The following FERMT3 variants were observed in gnomAD, a reference collection of about 807,000 sequenced individuals.
The protein encoded by FERMT3 is fermitin family homolog 3.
A neutral mutation model predicts 80.8 loss-of-function variants in FERMT3; 33 were observed. The observed-to-expected ratio is 0.41, with a 90% CI of 0.31 to 0.55. The LOEUF (loss-of-function observed/expected upper bound fraction) is 0.55, where lower values mean the gene tolerates loss of function less well. Among genes scored for constraint, FERMT3 ranks in the 20% least tolerant of loss-of-function variants. The pLI, the probability that FERMT3 is intolerant of heterozygous loss-of-function variation, is 0.31. For missense variants in FERMT3, 754 were observed against 908.7 expected (o/e 0.83, Z 2.19); for synonymous variants, 375 against 372.2 (o/e 1.01, Z -0.09).
chr11:64,217,483 A>T (rs1031758000), intron 6 of FERMT3, among the ~76,000 whole-genome samples: 5 of 152,086 alleles, frequency 3.3e-5, no homozygotes, highest in Admixed American at 6.6e-5. Context: ...CGGGAGGCGG[A>T]GGTTGCGGTG....
At chr11:64,216,495 A>G (rs1232625710) in intron 6 of FERMT3, among the ~76,000 whole-genome samples, 3 of 136,960 alleles carry the variant, frequency 2.2e-5, no homozygotes, top group Non-Finnish European at 4.8e-5. Flanking sequence ...CACCGGGCCC[A>G]GCCTCTATAA....
chr11:64,223,222 AC>A, intron 14 of FERMT3, 33 bp downstream of exon 14: 1 of 1,613,394 alleles, frequency 6.2e-7, no homozygotes, highest in Non-Finnish European at 8.5e-7. Flanking sequence ...TGGATGGGGG[AC>A]AGGTGCAGGC....
chr11:64,209,932 A>T (rs1946399618), intron 2 of FERMT3, among the ~76,000 whole-genome samples: 1 of 152,206 alleles, frequency 6.6e-6, no homozygotes, highest in African/African-American at 2.4e-5. Flanking sequence ...TCCAGTTCCC[A>T]GCTGGCTGAC....
In FERMT3 at chr11:64,223,316, G is replaced by A. The variant is rs1438403859; in HGVS notation, c.1816G>A (p.Ala606Thr). Residue 606 changes from alanine (A) to threonine (T), a missense_variant, in exon 15 of 15, where the codon GCC (alanine) becomes ACC (threonine). By Grantham distance (58) the Ala-to-Thr change is moderately conservative (BLOSUM62 0). Coordinates refer to ENST00000345728, the MANE Select transcript of FERMT3 (RefSeq NM_031471.6). ...WNVNWDIRQV[A>T]IEFDEHINVA... Reference sequence around the variant, plus strand: ...TGCCCCTCTGTCTGCCCTTCAGGTGGCCATCGAGTTTGATGAACACATCAA... The same window carrying A: ...TGCCCCTCTGTCTGCCCTTCAGGTGACCATCGAGTTTGATGAACACATCAA... 6.2e-7 allele frequency: 1 copy of A among 1,613,828 alleles called. No individual in the cohort carries two copies. Among genetic ancestry groups the A allele is most frequent in the Non-Finnish European group, 8.5e-7 (1 of 1,180,044 alleles).
Position 64,223,303 on chromosome 11 carries a change from T to G in FERMT3, c.1813-10T>G. ...CCCACCCACCATTTGCCCCTCTGTCTGCCCTTCAGGTGGCCATCGAGTTTG... is the reference window on the plus strand; with the variant it reads ...CCCACCCACCATTTGCCCCTCTGTCGGCCCTTCAGGTGGCCATCGAGTTTG... On this transcript the variant is annotated splice_polypyrimidine_tract_variant and intron_variant, in intron 14 of 14. Transcript: ENST00000345728. The G allele has an allele frequency of 6.2e-7, 1 of 1,613,858 alleles. No homozygotes were observed. The highest frequency in any genetic ancestry group is 2.2e-5 in the East Asian group (1 of 44,890).
chr11:64,220,676 G>C lies in FERMT3; in HGVS notation c.1545+7G>C. The C allele has an allele frequency of 6.2e-7, 1 of 1,606,268 alleles. No homozygotes were observed. Among genetic ancestry groups the C allele is most frequent in the African/African-American group, 1.3e-5 (1 of 74,876 alleles). ...AAAGTTCAAGGCCAAGCAGGTACCA[G>C]AAGGCGTCAGGGTGGGAATGAGCAT... On this transcript the variant is annotated splice_region_variant and intron_variant, in intron 12 of 14. Coordinates refer to ENST00000345728, the MANE Select transcript of FERMT3 (RefSeq NM_031471.6).
chr11:64,216,272 C>A (rs1469241667), intron 6 of FERMT3, among the ~76,000 whole-genome samples: 1 of 150,314 alleles, frequency 6.7e-6, no homozygotes, highest in Non-Finnish European at 1.5e-5. Context: ...TCTCGGCTCA[C>A]TGCAACCTCT....
intron 6 of FERMT3, among the ~76,000 whole-genome samples, chr11:64,212,503 AC>A (rs1946464501): frequency 6.6e-6 from 1 of 152,162 alleles, no homozygotes; most frequent in South Asian, 2.1e-4. Flanking sequence ...TGAGAAGTGC[AC>A]CTGCTGAGGT....
chr11:64,207,279 CAG>C, intron 1 of FERMT3, 70 bp from the exon 2 acceptor site: 1 of 1,584,206 alleles, frequency 6.3e-7, no homozygotes, highest in Non-Finnish European at 8.7e-7. Context: ...CAGGGCATCA[CAG>C]AGCTCTTCTG....
chr11:64,218,602 C>G (rs188594044), intron 6 of FERMT3, among the ~76,000 whole-genome samples: 35 of 152,376 alleles, frequency 2.3e-4, no homozygotes, highest in African/African-American at 6.5e-4. Context: ...ACCGCCCCGG[C>G]CTGTCCTTTG....
At chr11:64,215,588 T>C (rs1946532759) in intron 6 of FERMT3, among the ~76,000 whole-genome samples, 1 of 152,174 alleles carries the variant, frequency 6.6e-6, no homozygotes, top group Non-Finnish European at 1.5e-5. Context: ...TTTTTTTATT[T>C]TTAGAGATGG....
At chr11:64,213,036 G>A (rs1946476096) in intron 6 of FERMT3, among the ~76,000 whole-genome samples, 1 of 151,858 alleles carries the variant, frequency 6.6e-6, no homozygotes, top group Admixed American at 6.6e-5. Context: ...TGGGACGATA[G>A]GCGTGTACTA....
At position 64,221,011 on chromosome 11, in the gene FERMT3, C is replaced by A; in HGVS notation, c.1546-5C>A. 1 of 1,611,724 alleles carries A rather than the reference C, an allele frequency of 6.2e-7. No homozygotes were observed. On this transcript the variant is annotated splice_polypyrimidine_tract_variant and splice_region_variant and intron_variant, in intron 12 of 14. Coordinates refer to ENST00000345728, the MANE Select transcript of FERMT3 (RefSeq NM_031471.6). ...TGGCAGCCCGTCACCAGTATGGTCC[C>A]GCAGCTCACCCCACGGATCCTGGAA...
chr11:64,218,649 A>G (rs545861881), intron 6 of FERMT3, among the ~76,000 whole-genome samples: 2 of 152,250 alleles, frequency 1.3e-5, no homozygotes, highest in Admixed American at 1.3e-4. Context: ...TTTGCTATCA[A>G]TTTTGGGTGA....
intron 6 of FERMT3, among the ~76,000 whole-genome samples, chr11:64,216,123 C>T (rs1271631274): frequency 6.6e-6 from 1 of 151,262 alleles, no homozygotes; most frequent in Middle Eastern, 3.5e-3. Context: ...TGAGCCACTG[C>T]GCCCAGTTAC....
At chr11:64,214,591 C>G (rs949909908) in intron 6 of FERMT3, among the ~76,000 whole-genome samples, 1 of 152,180 alleles carries the variant, frequency 6.6e-6, no homozygotes, top group African/African-American at 2.4e-5. Flanking sequence ...AGGCGATCCA[C>G]CTGCCTCAAC....
Position 64,210,476 on chromosome 11 carries a change from G to C in FERMT3, c.161-135G>C. 1.1e-6 allele frequency: 1 copy of C among 882,894 alleles called. No homozygotes were observed. The allele number at this position is 882,894 out of a possible 1,614,324, so 54.7% of individuals were successfully genotyped here. A position where few individuals can be genotyped will look rare whatever the true frequency, so the allele number is the denominator to read the frequency against. The stretch of plus-strand genomic sequence containing the variant: ...TTACCATGGGGTAGACCCCAGGCCC[G>C]CCCAGGCTGCCCCACTCTTGGCTTA... On this transcript the variant is annotated intron_variant, in intron 2 of 14. Transcript: ENST00000345728. This position sits in a 1 kb window ranked among gnomAD's most constrained non-coding sequence, Gnocchi z 4.3.
rs774698514 is a variant in FERMT3 at position 64,223,483 on chromosome 11, G to A, written c.1983G>A (p.Glu661=). ...TCCTGCAGCTCACCGGGGGCCATGA[G>A]GCCTTCTGAGGGCTGTCTGATTGCC... The part of the protein sequence containing the change: ...DLFLQLTGGH[E]AF Residue 661 remains glutamate (E), a synonymous_variant, in exon 15 of 15, where the codon GAG becomes GAA. Coordinates refer to ENST00000345728, the MANE Select transcript of FERMT3 (RefSeq NM_031471.6). The A allele has an allele frequency of 3.7e-6, 6 of 1,608,468 alleles. No homozygotes were observed. In the African/African-American group the frequency reaches 5.3e-5, roughly 14 times the overall value.
chr11:64,207,848 T>C, intron 2 of FERMT3: 1 of 252,564 alleles, frequency 4.0e-6, no homozygotes. Context: ...TCTGAGGGGG[T>C]CTAGGTGACC....
Sources: gnomAD v4.1 joint callset for allele counts (sites outside exome capture counted in the v4.1 genomes callset) on GRCh38, gnomAD v4.1.1 for gene constraint, Gnocchi (gnomAD v3.1) non-coding constraint, MANE v1.5 for transcripts, NCBI Gene and HGNC (gene_info 2026-07-23, HGNC 2026-07-21) for gene names.